The following C12orf54 variants were observed in gnomAD, a reference collection of about 807,000 sequenced individuals.
C12orf54 encodes the protein chromosome 12 open reading frame 54.
In C12orf54, 24 loss-of-function variants were observed where a neutral mutation model predicts 26.4. That is an observed-to-expected ratio of 0.91 (90% CI 0.66 to 1.28). C12orf54 has a LOEUF of 1.28. Ranked by LOEUF, C12orf54 falls within the 50% of genes most tolerant of loss-of-function variation. The pLI, the probability that C12orf54 is intolerant of heterozygous loss-of-function variation, is 0.00. For missense variants in C12orf54, 154 were observed against 150.9 expected, an observed-to-expected ratio of 1.02 and a Z score of -0.11; for synonymous variants, 54 against 47.0, an observed-to-expected ratio of 1.15 and a Z score of -0.61.
At chr12:48,436,639 C>A in the C12orf54 span, among the ~76,000 whole-genome samples, 1 of 152,138 alleles carries the variant, frequency 6.6e-6, no homozygotes, top group African/African-American at 2.4e-5. Flanking sequence ...ACTGAACAAC[C>A]TGCTCCTGAA....
intron 4 of C12orf54, chr12:48,488,633 T>C: frequency 2.3e-6 from 1 of 433,290 alleles, no homozygotes; most frequent in South Asian, 2.6e-5. Flanking sequence ...AGACCGAAAA[T>C]AAATATAATA....
At chr12:48,477,134 TC>T in the C12orf54 span, among the ~76,000 whole-genome samples, 3 of 152,182 alleles carry the variant, frequency 2.0e-5, no homozygotes, top group African/African-American at 7.2e-5. Context: ...AACAACATGC[TC>T]CTGAGTGACT....
At chr12:48,415,960 C>T in the C12orf54 span, among the ~76,000 whole-genome samples, 8 of 152,108 alleles carry the variant, frequency 5.3e-5, no homozygotes, top group Non-Finnish European at 1.0e-4. Flanking sequence ...AATGATGTAC[C>T]ATCATCTACT....
chr12:48,433,162 C>T, the C12orf54 span, among the ~76,000 whole-genome samples: 1 of 152,098 alleles, frequency 6.6e-6, no homozygotes, highest in Admixed American at 6.5e-5. Flanking sequence ...AAATACCTGT[C>T]ACCAATGGCA....
chr12:48,464,460 GA>G, the C12orf54 span, among the ~76,000 whole-genome samples: 1 of 152,072 alleles, frequency 6.6e-6, no homozygotes, highest in South Asian at 2.1e-4. Flanking sequence ...CATGGTCATG[GA>G]TAGGAAGAAT....
the C12orf54 span, among the ~76,000 whole-genome samples, chr12:48,458,255 G>A: frequency 6.6e-6 from 1 of 152,234 alleles, no homozygotes. Context: ...TCAGCAGCTA[G>A]TGAGGAGAAT....
upstream of C12orf54, among the ~76,000 whole-genome samples, chr12:48,477,924 G>A (rs1337315486): frequency 2.0e-5 from 3 of 152,148 alleles, no homozygotes; most frequent in African/African-American, 7.2e-5. Flanking sequence ...TGATACCAAA[G>A]CCTGGCAGAG....
At chr12:48,419,030 T>C in the C12orf54 span, among the ~76,000 whole-genome samples, 2 of 152,082 alleles carry the variant, frequency 1.3e-5, no homozygotes, top group Non-Finnish European at 2.9e-5. Flanking sequence ...GAAATATCAA[T>C]GTTCTGGCAT....
chr12:48,478,038 G>C (rs1954161560), upstream of C12orf54, among the ~76,000 whole-genome samples: 1 of 152,246 alleles, frequency 6.6e-6, no homozygotes, highest in South Asian at 2.1e-4. Flanking sequence ...ACATCATAAA[G>C]CTTATCCACC....
the C12orf54 span, among the ~76,000 whole-genome samples, chr12:48,438,495 C>T: frequency 6.6e-6 from 1 of 152,358 alleles, no homozygotes; most frequent in South Asian, 2.1e-4. Flanking sequence ...CGCTACCTGA[C>T]TTCAAACTAT....
intron 3 of C12orf54, 46 bp downstream of exon 3, chr12:48,486,254 T>C: frequency 6.4e-7 from 1 of 1,570,354 alleles, no homozygotes; most frequent in Non-Finnish European, 8.8e-7. Context: ...GGCTTCTAAT[T>C]CCTAGGGAGA....
the C12orf54 span, among the ~76,000 whole-genome samples, chr12:48,429,553 A>C: frequency 6.6e-6 from 1 of 151,840 alleles, no homozygotes; most frequent in Middle Eastern, 3.4e-3. Flanking sequence ...AATCAAGAAC[A>C]CAACCCCTTT....
At chr12:48,437,988 G>C in the C12orf54 span, among the ~76,000 whole-genome samples, 1 of 152,202 alleles carries the variant, frequency 6.6e-6, no homozygotes, top group Admixed American at 6.5e-5. Context: ...TGATATGATT[G>C]TATACCTAGA....
chr12:48,458,705 C>T, the C12orf54 span, among the ~76,000 whole-genome samples: 1 of 151,308 alleles, frequency 6.6e-6, no homozygotes, highest in Non-Finnish European at 1.5e-5. Flanking sequence ...TGCCTGACAC[C>T]TGCTCCACAG....
chr12:48,456,146 T>C, the C12orf54 span, among the ~76,000 whole-genome samples: 1 of 152,194 alleles, frequency 6.6e-6, no homozygotes, highest in East Asian at 1.9e-4. Context: ...GGAAAACACA[T>C]TTTTTAAGCA....
At chr12:48,452,592 G>T in the C12orf54 span, among the ~76,000 whole-genome samples, 9 of 152,038 alleles carry the variant, frequency 5.9e-5, no homozygotes, top group East Asian at 1.3e-3. Context: ...GAAAATTTTT[G>T]CAATCTATGC....
the C12orf54 span, among the ~76,000 whole-genome samples, chr12:48,430,935 G>T: frequency 6.7e-6 from 1 of 149,718 alleles, no homozygotes; most frequent in African/African-American, 2.5e-5. Context: ...AAGAAACTGT[G>T]GTATATATAT....
the C12orf54 span, among the ~76,000 whole-genome samples, chr12:48,422,654 A>G: frequency 3.3e-5 from 5 of 152,358 alleles, no homozygotes; most frequent in East Asian, 5.8e-4. Context: ...GGCAACTTGT[A>G]TAAGAAAAAT....
chr12:48,478,334 G>C (rs894600858), upstream of C12orf54, among the ~76,000 whole-genome samples: 9 of 152,156 alleles, frequency 5.9e-5, no homozygotes, highest in African/African-American at 2.2e-4. Flanking sequence ...TTGAAAACAG[G>C]CACAAGATAG....
Sources: allele counts gnomAD v4.1 joint callset (sites outside exome capture counted in the v4.1 genomes callset), GRCh38; gene constraint gnomAD v4.1.1; transcripts MANE v1.5; gene names NCBI Gene and HGNC (gene_info 2026-07-23, HGNC 2026-07-21).